Variants in ANKRD27 observed in about 807,000 individuals in gnomAD.
ANKRD27 encodes the protein ankyrin repeat domain-containing protein 27.
A neutral mutation model predicts 129.7 loss-of-function variants in ANKRD27; 112 were observed. The observed-to-expected ratio is 0.86, with a 90% confidence interval of 0.74 to 1.01. ANKRD27 has a LOEUF of 1.01. ANKRD27 is among the 50% of genes least tolerant of loss of function. The pLI is 0.00. For missense variants in ANKRD27, 1,258 were observed against 1,300.5 expected (o/e 0.97, Z 0.50); for synonymous variants, 516 against 511.2 (o/e 1.01, Z -0.13).
At chr19:32,615,868 A>T in intron 21 of ANKRD27, 88 bp from the exon 22 acceptor site, 1 of 1,528,890 alleles carries the variant, frequency 6.5e-7, no homozygotes, top group East Asian at 2.3e-5. Flanking sequence ...AACCGTTCCC[A>T]ATCAGGGCCC....
At position 32,625,935 on chromosome 19, in the gene ANKRD27, T is replaced by G. The variant is rs1972083228; in HGVS notation, c.1568A>C (p.Glu523Ala). The stretch of plus-strand genomic sequence containing the variant: ...CGTATTCCCATTGTTGTCCTGCACT[T>G]CCGCGCTGGCCTTGTAGTGCAGCAG... Reference protein sequence around the residue: ...LLLLHYKASAEVQDNNGNTPL... With the variant: ...LLLLHYKASAAVQDNNGNTPL... The change falls in exon 17 of 29, where the codon GAA becomes GCA. Residue 523 changes from glutamate to alanine, a missense_variant. Glu to Ala is a moderately radical substitution (Grantham distance 107). Transcript: ENST00000306065. The G allele has an allele frequency of 6.2e-7, 1 of 1,611,616 alleles. No homozygotes were observed. Among genetic ancestry groups the G allele is most frequent in the Non-Finnish European group, 8.5e-7 (1 of 1,179,464 alleles).
Position 32,628,604 on chromosome 19 carries a change from C to A in ANKRD27, c.1337+118G>T. 3.0e-6 allele frequency: 4 copies of A among 1,313,386 alleles called. No homozygotes were observed. The South Asian group carries it at 4.0e-5, about 13-fold the overall frequency. The allele number at this position is 1,313,386 out of a possible 1,614,324, so 81.4% of individuals were successfully genotyped here. A position where few individuals can be genotyped will look rare whatever the true frequency, so the allele number is the denominator to read the frequency against. On this transcript the variant is annotated intron_variant, in intron 14 of 28. Transcript: ENST00000306065. ...TATCATCTCCACTGTACAGCAGAGG[C>A]AGCTGGGGGGCAGGGAGGACAGTCC...
At chr19:32,670,533 G>C (rs1243751065) in intron 1 of ANKRD27, among the ~76,000 whole-genome samples, 3 of 151,524 alleles carry the variant, frequency 2.0e-5, no homozygotes, top group Admixed American at 2.0e-4. Context: ...AATTAGCCGG[G>C]CATGGTGGCA....
intron 12 of ANKRD27, chr19:32,639,145 T>C (rs897547759): frequency 6.8e-6 from 4 of 587,922 alleles, no homozygotes; most frequent in Non-Finnish European, 1.2e-5. Flanking sequence ...ACAATGTAAA[T>C]CCCAATGATA....
At chr19:32,649,232 C>G (rs887859212) in intron 3 of ANKRD27, among the ~76,000 whole-genome samples, 6 of 152,148 alleles carry the variant, frequency 3.9e-5, no homozygotes, top group Admixed American at 3.3e-4. Context: ...CTCGGCCCCC[C>G]AAAGTGCTAG....
rs1458741871 is a variant in ANKRD27 at position 32,626,746 on chromosome 19, T to C, written c.1502A>G (p.His501Arg). ...ATDYHGATPL[H>R]LACQKGYQSV... ...CTGGTAGCCCTTCTGACAGGCCAGG[T>C]GGAGCGGAGTGGCTCCATGGTAGTC... is the stretch of plus-strand genomic sequence containing the variant. The change falls in exon 16 of 29, where the codon CAC becomes CGC. Residue 501 changes from histidine (H) to arginine (R), a missense_variant. Coordinates refer to ENST00000306065, the MANE Select transcript of ANKRD27 (RefSeq NM_032139.3). The C allele has an allele frequency of 1.2e-6, 2 of 1,611,780 alleles. No individual in the cohort carries two copies. Among genetic ancestry groups the C allele is most frequent in the Non-Finnish European group, 1.7e-6 (2 of 1,179,144 alleles).
intron 18 of ANKRD27, among the ~76,000 whole-genome samples, chr19:32,622,123 C>T (rs1972019157): frequency 6.6e-6 from 1 of 152,208 alleles, no homozygotes; most frequent in East Asian, 1.9e-4. Context: ...AGTCCCTGCC[C>T]CTGCGGAGCC....
intron 9 of ANKRD27, 50 bp downstream of exon 9, chr19:32,643,073 C>T: frequency 6.3e-7 from 1 of 1,586,064 alleles, no homozygotes; most frequent in Non-Finnish European, 8.6e-7. Context: ...CGGGAGAAGA[C>T]AGCACCCCTG....
chr19:32,669,009 G>A (rs1029500196), intron 1 of ANKRD27, among the ~76,000 whole-genome samples: 2 of 151,474 alleles, frequency 1.3e-5, no homozygotes, highest in Non-Finnish European at 3.0e-5. Flanking sequence ...ATGGTGTCTC[G>A]CTATGTGGCC....
intron 25 of ANKRD27, 63 bp from the exon 26 acceptor site, chr19:32,602,189 G>T: frequency 1.9e-6 from 2 of 1,072,794 alleles, no homozygotes; most frequent in Non-Finnish European, 1.4e-6. Flanking sequence ...GTTATTATTT[G>T]TTTTTGATCT....
rs200022127 is a variant in ANKRD27, at chr19:32,644,437, A to G, written c.413T>C (p.Ile138Thr). ...APSDPFSLKT[I>T]EDVREFLGRH... is the part of the protein sequence containing the mutation. The stretch of plus-strand genomic sequence containing the variant: ...TCCCAAGAACTCTCTCACATCTTCA[A>G]TGGTTTTCAGGGAAAAGGGATCTGA... Residue 138 changes from isoleucine to threonine, a missense_variant, in exon 5 of 29, where the codon ATT (isoleucine) becomes ACT (threonine). Transcript: ENST00000306065. 334 of 1,613,900 alleles carry G rather than the reference A, an allele frequency of 2.1e-4. 1 individual carries two copies. The highest frequency in any genetic ancestry group is 4.9e-4 in the Middle Eastern group (3 of 6,074).
Position 32,665,273 on chromosome 19 carries a change from C to T in ANKRD27, c.-30-6228G>A, listed in dbSNP as rs942707051. Reference sequence around the variant, plus strand: ...ATCCTATTAGGATTTTTATTGGACCCGCACTAAATTCATGAATTTTTTTTT... The same window carrying T: ...ATCCTATTAGGATTTTTATTGGACCTGCACTAAATTCATGAATTTTTTTTT... On this transcript the variant is annotated intron_variant, in intron 1 of 28. Transcript: ENST00000306065. Among the ~76,000 whole-genome samples, 16 of 149,162 alleles carry T rather than the reference C, an allele frequency of 1.1e-4. No homozygotes were observed. The South Asian group carries it at 3.2e-3, about 30-fold the overall frequency.
intron 1 of ANKRD27, among the ~76,000 whole-genome samples, chr19:32,663,827 C>T (rs1456432735): frequency 6.6e-6 from 1 of 151,776 alleles, no homozygotes; most frequent in Non-Finnish European, 1.5e-5. Flanking sequence ...GAGGCCGAGG[C>T]GGGCGGATCA....
intron 26 of ANKRD27, 35 bp from the exon 27 acceptor site, chr19:32,600,085 A>G: frequency 6.4e-6 from 9 of 1,415,020 alleles, no homozygotes; most frequent in Non-Finnish European, 9.0e-6. Context: ...AAAAACTTCA[A>G]AAACAGTTGT....
At chr19:32,627,997 C>T in intron 15 of ANKRD27, 86 bp downstream of exon 15, 1 of 1,247,646 alleles carries the variant, frequency 8.0e-7, no homozygotes, top group Admixed American at 1.9e-5. Flanking sequence ...CCCACCCAGC[C>T]CATCAGCCAG....
chr19:32,661,563 G>C (rs140201186), intron 1 of ANKRD27, among the ~76,000 whole-genome samples: 116 of 151,992 alleles, frequency 7.6e-4, no homozygotes, highest in Non-Finnish European at 1.2e-3. Context: ...CGCTGAACTT[G>C]AACTCCTGGC....
chr19:32,627,937 C>G, intron 15 of ANKRD27, 146 bp downstream of exon 15: 1 of 721,758 alleles, frequency 1.4e-6, no homozygotes, highest in East Asian at 2.5e-5. Flanking sequence ...CTCCTCTTCT[C>G]CTTCCGGCCC....
intron 12 of ANKRD27, among the ~76,000 whole-genome samples, chr19:32,633,114 T>C (rs984518397): frequency 3.9e-5 from 6 of 152,168 alleles, no homozygotes; most frequent in African/African-American, 1.4e-4. Context: ...TCCGCAACTC[T>C]GGTTAACGAT....
chr19:32,635,612 A>G (rs1967074923), intron 12 of ANKRD27, among the ~76,000 whole-genome samples: 1 of 151,988 alleles, frequency 6.6e-6, no homozygotes, highest in African/African-American at 2.4e-5. Flanking sequence ...GCCCACATAC[A>G]TACTCTAGAA....
Sources: gnomAD v4.1 joint callset for allele counts (sites outside exome capture counted in the v4.1 genomes callset) on GRCh38, gnomAD v4.1.1 for gene constraint, MANE v1.5 for transcripts, NCBI Gene and HGNC (gene_info 2026-07-23, HGNC 2026-07-21) for gene names.